Variants in MYO15A observed in about 807,000 individuals in gnomAD.
The protein encoded by MYO15A is myosin XVA, also known as unconventional myosin-XV.
Under a neutral mutation model 394.6 loss-of-function variants are expected in MYO15A, and 308 were observed. The observed-to-expected ratio is 0.78, with a 90% CI of 0.71 to 0.86. The LOEUF (loss-of-function observed/expected upper bound fraction) is 0.86. Ranked by LOEUF, MYO15A falls within the 40% of genes least tolerant of loss-of-function variation. MYO15A has a pLI of 0.00. For synonymous variants in MYO15A, 1,957 were observed against 2,003.8 expected (o/e 0.98, Z 0.62); for missense variants, 4,606 against 4,799.1 (o/e 0.96, Z 1.19).
chr17:18,120,280 G>C lies in MYO15A; in HGVS notation c.1480G>C (p.Glu494Gln), dbSNP rs775158011. ...QVKLFGKEKLEVPLPPSLDIP... is the reference protein window; with the variant it reads ...QVKLFGKEKLQVPLPPSLDIP... ...GAAGCTGTTTGGGAAGGAGAAGCTG[G>C]AGGTGCCCCTGCCACCCTCTCTGGA... is the stretch of plus-strand genomic sequence containing the variant. The change falls in exon 2 of 66, where the codon GAG becomes CAG. Residue 494 changes from glutamate to glutamine, a missense_variant. By Grantham distance (29) the Glu-to-Gln change is conservative (BLOSUM62 2). Transcript: ENST00000647165. The C allele has an allele frequency of 3.1e-5, 50 of 1,611,818 alleles. No homozygotes were observed. Among genetic ancestry groups the C allele is most frequent in the Non-Finnish European group, 4.1e-5 (48 of 1,179,802 alleles).
chr17:18,159,009 C>T lies in MYO15A; in HGVS notation c.9156+12C>T, dbSNP rs761386683. ...TTTGCTTCACCAAGGTGTCCAGTCC[C>T]GGACCTCAGTTTCCCCATCTGTAAA... On this transcript the variant is annotated intron_variant, in intron 53 of 65. Transcript: ENST00000647165. 14 of 1,612,996 alleles carry T rather than the reference C, an allele frequency of 8.7e-6. No individual in the cohort carries two copies. The highest frequency in any genetic ancestry group is 4.0e-5 in the African/African-American group (3 of 74,862).
Position 18,121,677 on chromosome 17 carries a change from G to A in MYO15A, c.2877G>A (p.Val959=), listed in dbSNP as rs1212190438. 1.2e-6 allele frequency: 2 copies of A among 1,606,590 alleles called. No individual in the cohort carries two copies. The highest frequency in any genetic ancestry group is 4.5e-5 in the East Asian group (2 of 44,668). The change falls in exon 2 of 66, where the codon GTG becomes GTA. Residue 959 remains valine, a synonymous_variant. Coordinates refer to ENST00000647165, the MANE Select transcript of MYO15A (RefSeq NM_016239.4). This position sits in a 1 kb window ranked among gnomAD's most constrained non-coding sequence, Gnocchi z 5.3. Reference sequence around the variant, plus strand: ...GAGGCTTTTCCAGGCCACCCCCTGTGCCGGAAAACCCCTTTCTCCAGCTCC... The same window carrying A: ...GAGGCTTTTCCAGGCCACCCCCTGTACCGGAAAACCCCTTTCTCCAGCTCC... ...SRRGFSRPPP[V]PENPFLQLLG... is the part of the protein sequence containing the mutation.
At chr17:18,125,139 A>C in intron 3 of MYO15A, 29 bp from the exon 4 acceptor site, 1 of 1,611,918 alleles carries the variant, frequency 6.2e-7, no homozygotes, top group Non-Finnish European at 8.5e-7. Context: ...CCCTGGGGGC[A>C]CTGACGGCTT....
chr17:18,144,131 G>T, intron 28 of MYO15A, 131 bp downstream of exon 28: 1 of 1,438,436 alleles, frequency 7.0e-7, no homozygotes, highest in Non-Finnish European at 9.5e-7. Context: ...TTAGTTGCTG[G>T]ATCATAGGGA....
Position 18,144,002 on chromosome 17 carries a change from T to A in MYO15A, c.6177+2T>A. The stretch of plus-strand genomic sequence containing the variant: ...AAGTTTGTCCAGTGCCACTTCAAGG[T>A]AAGGGCTAGCTGAAGTCCAAGGCTC... On this transcript the variant is annotated splice_donor_variant, in intron 28 of 65. Transcript: ENST00000647165. LOFTEE classifies it high-confidence loss of function. The A allele has an allele frequency of 1.8e-5, 29 of 1,613,480 alleles. No individual in the cohort carries two copies. The highest frequency in any genetic ancestry group is 2.5e-5 in the Non-Finnish European group (29 of 1,180,002).
At position 18,121,529 on chromosome 17, in the gene MYO15A, C is replaced by T. The variant is rs753730679; in HGVS notation, c.2729C>T (p.Pro910Leu). ...WRAPLEHRES[P>L]REPEDSETPW... ...GCGCCCCTGGAACACCGGGAGAGCC[C>T]GCGAGAACCCGAGGACTCAGAGACG... Residue 910 changes from proline to leucine, a missense_variant, in exon 2 of 66, where the codon CCG becomes CTG. By Grantham distance (98) the Pro-to-Leu change is moderately conservative. Transcript: ENST00000647165. This position sits in a 1 kb window ranked among gnomAD's most constrained non-coding sequence, Gnocchi z 5.3. The T allele has an allele frequency of 1.3e-6, 2 of 1,565,032 alleles. No individual in the cohort carries two copies. The highest frequency in any genetic ancestry group is 1.7e-6 in the Non-Finnish European group (2 of 1,155,516).
At position 18,157,050 on chromosome 17, in the gene MYO15A, G is replaced by A. The variant is rs955097292; in HGVS notation, c.8698G>A (p.Glu2900Lys). The A allele has an allele frequency of 6.2e-7, 1 of 1,613,970 alleles. No individual in the cohort carries two copies. Among genetic ancestry groups the A allele is most frequent in the Non-Finnish European group, 8.5e-7 (1 of 1,180,022 alleles). Residue 2900 changes from glutamate (E) to lysine (K), a missense_variant, in exon 49 of 66, where the codon GAG (glutamate) becomes AAG (lysine). Physicochemically the swap from Glu to Lys is moderately conservative, Grantham distance 56 (BLOSUM62 1). Coordinates refer to ENST00000647165, the MANE Select transcript of MYO15A (RefSeq NM_016239.4). The part of the protein sequence containing the change: ...KGDIIHLQPL[E>K]PPRVGYSAGC... Reference sequence around the variant, plus strand: ...TGACATCATACACCTGCAGCCCCTAGAGCCACCTCGAGTGGGTCAGTGCCA... The same window carrying A: ...TGACATCATACACCTGCAGCCCCTAAAGCCACCTCGAGTGGGTCAGTGCCA...
intron 3 of MYO15A, 163 bp downstream of exon 3, chr17:18,124,728 A>G: frequency 1.1e-5 from 8 of 704,690 alleles, no homozygotes; most frequent in Non-Finnish European, 1.7e-5. Context: ...TTTGTGAGTT[A>G]GACGGACTTT....
chr17:18,135,090 T>C (rs559359432), intron 12 of MYO15A, among the ~76,000 whole-genome samples: 150 of 152,260 alleles, frequency 9.9e-4, no homozygotes, highest in African/African-American at 3.6e-3. Flanking sequence ...GGTCTTGAAC[T>C]CCCTGCCTCA....
intron 2 of MYO15A, chr17:18,124,167 G>C: frequency 7.2e-6 from 3 of 414,622 alleles, no homozygotes; most frequent in Non-Finnish European, 4.6e-6. Flanking sequence ...TGCTGGAAGA[G>C]TTGCGGTTGG....
In MYO15A at chr17:18,120,519, G is replaced by A. The variant is rs758952966; in HGVS notation, c.1719G>A (p.Ala573=). The A allele has an allele frequency of 1.3e-5, 21 of 1,587,228 alleles. No homozygotes were observed. The highest frequency in any genetic ancestry group is 5.6e-5 in the South Asian group (5 of 88,840). ...RPVPRPATSL[A]RFLKKTLSEK... ...TGCCTCGCCCTGCCACCTCGCTTGC[G>A]CGGTTCCTCAAGAAGACGCTGTCGG... The change falls in exon 2 of 66, where the codon GCG becomes GCA. Residue 573 remains alanine (A), a synonymous_variant. Transcript: ENST00000647165.
At chr17:18,162,354 C>T (rs1306722331) in intron 57 of MYO15A, among the ~76,000 whole-genome samples, 1 of 152,174 alleles carries the variant, frequency 6.6e-6, no homozygotes, top group Non-Finnish European at 1.5e-5. Flanking sequence ...ATAAAAGGTC[C>T]TTAGCCACAT....
intron 61 of MYO15A, among the ~76,000 whole-genome samples, 176 bp from the exon 62 acceptor site, chr17:18,167,414 C>T (rs558165078): frequency 8.7e-4 from 133 of 152,384 alleles, no homozygotes; most frequent in African/African-American, 3.0e-3. Flanking sequence ...AGCCCTCCCA[C>T]GTCACCCTTA....
At position 18,142,740 on chromosome 17, in the gene MYO15A, C is replaced by T. The variant is rs764588091; in HGVS notation, c.5826-16C>T. ...CTGTGGCCCCAATCCCTGACCTCCC[C>T]ACTACCCCAACCCAGGCAACGCTAT... is the stretch of plus-strand genomic sequence containing the variant. On this transcript the variant is annotated splice_polypyrimidine_tract_variant and intron_variant, in intron 24 of 65. Transcript: ENST00000647165. The T allele has an allele frequency of 3.7e-6, 6 of 1,611,696 alleles. No homozygotes were observed. In the South Asian group the frequency reaches 6.6e-5, roughly 18 times the overall value.
Position 18,154,689 on chromosome 17 carries a change from G to C in MYO15A, c.8158G>C (p.Asp2720His). 1.2e-6 allele frequency: 2 copies of C among 1,613,492 alleles called. No individual in the cohort carries two copies. Among genetic ancestry groups the C allele is most frequent in the South Asian group, 2.2e-5 (2 of 91,084 alleles). ...LDLLFRQILH[D>H]TLSEACLRIS... is the part of the protein sequence containing the mutation. ...CAGCCTGTTCCCACAGATCCTGCAC[G>C]ACACGCTCTCCGAGGCCTGCCTTCG... The change falls in exon 45 of 66, where the codon GAC (aspartate) becomes CAC (histidine). Residue 2720 changes from aspartate (D) to histidine (H), a missense_variant. By Grantham distance (81) the Asp-to-His change is moderately conservative. Transcript: ENST00000647165.
In MYO15A at chr17:18,119,803, G is replaced by T. The variant is rs760447891; in HGVS notation, c.1003G>T (p.Glu335Ter). 2 of 1,613,122 alleles carry T rather than the reference G, an allele frequency of 1.2e-6. No homozygotes were observed. The highest frequency in any genetic ancestry group is 1.1e-5 in the South Asian group (1 of 91,086). Residue 335 changes from glutamate to a stop codon, truncating the protein, a stop_gained, in exon 2 of 66, where the codon GAG (glutamate) becomes TAG (stop). Coordinates refer to ENST00000647165, the MANE Select transcript of MYO15A (RefSeq NM_016239.4). LOFTEE classifies it high-confidence loss of function. ...CAGCTACCACGATGGGTACGAGGGCGAGGCGCACCCTTATGGCTACTACCT... is the reference window on the plus strand; with the variant it reads ...CAGCTACCACGATGGGTACGAGGGCTAGGCGCACCCTTATGGCTACTACCT... ...PYSYHDGYEG[E>*]AHPYGYYLDP...
intron 29 of MYO15A, 52 bp from the exon 30 acceptor site, chr17:18,145,820 A>T (rs369524167): frequency 6.4e-7 from 1 of 1,557,018 alleles, no homozygotes; most frequent in East Asian, 2.3e-5. Context: ...TGGGGTGGGG[A>T]CTGGAAGGAA....
At position 18,127,106 on chromosome 17, in the gene MYO15A, A is replaced by G. The variant is rs2046060010; in HGVS notation, c.3973A>G (p.Thr1325Ala). 1.2e-6 allele frequency: 2 copies of G among 1,613,986 alleles called. No homozygotes were observed. Among genetic ancestry groups the G allele is most frequent in the Non-Finnish European group, 1.7e-6 (2 of 1,179,986 alleles). The change falls in exon 7 of 66, where the codon ACC (threonine) becomes GCC (alanine). Residue 1325 changes from threonine to alanine, a missense_variant. Physicochemically the swap from Thr to Ala is moderately conservative, Grantham distance 58. Transcript: ENST00000647165. ...GAGCGGCTCTGGCAAAACTGAGGCCACCAAGCTGATTCTGCGCTACCTGGC... is the reference window on the plus strand; with the variant it reads ...GAGCGGCTCTGGCAAAACTGAGGCCGCCAAGCTGATTCTGCGCTACCTGGC... The part of the protein sequence containing the change: ...GESGSGKTEA[T>A]KLILRYLAAM...
In MYO15A at chr17:18,118,818, TGAG is replaced by T. The variant is rs894539321; in HGVS notation, c.22_24del (p.Glu8del). The T allele has an allele frequency of 1.3e-5, 21 of 1,608,794 alleles. No homozygotes were observed. The highest frequency in any genetic ancestry group is 1.7e-5 in the Non-Finnish European group (20 of 1,177,814). On this transcript the variant is annotated inframe_deletion, in exon 2 of 66. Coordinates refer to ENST00000647165, the MANE Select transcript of MYO15A (RefSeq NM_016239.4). ...CAGCCACCATGGCGAAGGAGGAAGA[TGAG>T]GAGAAGAAAGCCAAGAAAGGGAAGA...
Sources: allele counts gnomAD v4.1 joint callset (sites outside exome capture counted in the v4.1 genomes callset), GRCh38; gene constraint gnomAD v4.1.1; non-coding constraint Gnocchi (gnomAD v3.1); transcripts MANE v1.5; gene names NCBI Gene and HGNC (gene_info 2026-07-23, HGNC 2026-07-21).